The following BMERB1 variants were observed in gnomAD, a reference collection of about 807,000 sequenced individuals.
BMERB1 encodes the protein bMERB domain containing 1.
In BMERB1, 12 loss-of-function variants were observed where a neutral mutation model predicts 23.6. The ratio of observed to expected loss-of-function variants is 0.51; its 90% CI spans 0.33 to 0.82. The LOEUF is 0.82. BMERB1 is among the 40% of genes least tolerant of loss of function. BMERB1 has a pLI of 0.03. For missense variants in BMERB1, 247 were observed against 255.4 expected (o/e 0.97, Z 0.22); for synonymous variants, 122 against 96.6 (o/e 1.26, Z -1.54).
At chr16:15,556,351 CA>C (rs2030258456) in intron 2 of BMERB1, among the ~76,000 whole-genome samples, 1 of 152,052 alleles carries the variant, frequency 6.6e-6, no homozygotes, top group Middle Eastern at 3.2e-3. Flanking sequence ...GGGCTGCCTG[CA>C]CCACACACAC....
intron 2 of BMERB1, among the ~76,000 whole-genome samples, chr16:15,545,564 G>A (rs1345804107): frequency 1.3e-5 from 2 of 152,146 alleles, no homozygotes; most frequent in African/African-American, 4.8e-5. Context: ...GAGTGGGGAT[G>A]GGGGCTCAGG....
rs1332559697 is a variant in BMERB1, at chr16:15,459,649, C to T, written c.106+24890C>T. Reference sequence around the variant, plus strand: ...AACCTTTACAGTGTGAATATTGTAACTTACAGTGTGTAAATTACAGTGTGT... The same window carrying T: ...AACCTTTACAGTGTGAATATTGTAATTTACAGTGTGTAAATTACAGTGTGT... On this transcript the variant is annotated intron_variant, in intron 1 of 5. Coordinates refer to ENST00000300006, the MANE Select transcript of BMERB1 (RefSeq NM_033201.3). Among the ~76,000 whole-genome samples, 2 of 152,176 alleles carry T rather than the reference C, an allele frequency of 1.3e-5. 1 individual carries two copies. Among genetic ancestry groups the T allele is most frequent in the African/African-American group, 4.8e-5 (2 of 41,434 alleles).
chr16:15,489,489 A>C (rs2051398737), intron 1 of BMERB1, among the ~76,000 whole-genome samples: 2 of 152,070 alleles, frequency 1.3e-5, no homozygotes, highest in Admixed American at 6.6e-5. Context: ...TGGTTTGGCA[A>C]GCCCAGTCCC....
chr16:15,468,337 G>A (rs1043160134), intron 1 of BMERB1, among the ~76,000 whole-genome samples: 1 of 151,052 alleles, frequency 6.6e-6, no homozygotes, highest in African/African-American at 2.4e-5. Flanking sequence ...GTAGAGATGG[G>A]GTTTGGCTGT....
chr16:15,502,124 G>C (rs1363969258), intron 1 of BMERB1: 1 of 657,310 alleles, frequency 1.5e-6, no homozygotes. Flanking sequence ...ACTCATGTCT[G>C]CTTGACGCCA....
chr16:15,541,394 G>T (rs977233844), intron 2 of BMERB1, among the ~76,000 whole-genome samples: 1 of 150,388 alleles, frequency 6.6e-6, no homozygotes, highest in Non-Finnish European at 1.5e-5. Flanking sequence ...GCAGGTCAGC[G>T]AGTGGGACTG....
Position 15,515,382 on chromosome 16 carries a change from C to T in BMERB1, c.184C>T (p.Arg62Cys), listed in dbSNP as rs184756574. The part of the protein sequence containing the change: ...EIELEMAKIQ[R>C]LREVLVRRES... ...TGAGCTGGAGATGGCAAAAATTCAGCGTCTCCGGGAAGTCTTGGTCCGCCG... is the reference window on the plus strand; with the variant it reads ...TGAGCTGGAGATGGCAAAAATTCAGTGTCTCCGGGAAGTCTTGGTCCGCCG... The change falls in exon 2 of 6, where the codon CGT becomes TGT. Residue 62 changes from arginine (R) to cysteine (C), a missense_variant. Transcript: ENST00000300006. The T allele has an allele frequency of 2.3e-5, 37 of 1,613,952 alleles. No homozygotes were observed. Among genetic ancestry groups the T allele is most frequent in the East Asian group, 6.7e-5 (3 of 44,876 alleles).
At chr16:15,576,945 G>C (rs1308005926) in intron 3 of BMERB1, among the ~76,000 whole-genome samples, 1 of 152,196 alleles carries the variant, frequency 6.6e-6, no homozygotes, top group Non-Finnish European at 1.5e-5. Flanking sequence ...GCCTGTGGCA[G>C]ACTGCACCAA....
chr16:15,520,274 T>A (rs890675207), intron 2 of BMERB1, among the ~76,000 whole-genome samples: 2 of 152,086 alleles, frequency 1.3e-5, no homozygotes, highest in South Asian at 2.1e-4. Context: ...TTATTCTCAA[T>A]GCCAGGACCC....
intron 2 of BMERB1, among the ~76,000 whole-genome samples, chr16:15,552,466 G>A (rs575170812): frequency 6.6e-6 from 1 of 152,082 alleles, no homozygotes; most frequent in East Asian, 1.9e-4. Context: ...AGAAGAAGAA[G>A]AAATGAACTC....
intron 1 of BMERB1, among the ~76,000 whole-genome samples, chr16:15,512,862 G>C (rs917282352): frequency 6.6e-6 from 1 of 151,188 alleles, no homozygotes; most frequent in African/African-American, 2.4e-5. Context: ...CTGGGCAACA[G>C]AGGGATACTC....
Position 15,443,374 on chromosome 16 carries a change from C to T in BMERB1, c.106+8615C>T, listed in dbSNP as rs529616850. Among the ~76,000 whole-genome samples the T allele has an allele frequency of 2.6e-3, 285 of 110,518 alleles. 1 individual carries two copies. Among genetic ancestry groups the T allele is most frequent in the Admixed American group, 4.0e-3 (37 of 9,280 alleles). The allele number at this position is 110,518 out of a possible 152,430, so 72.5% of individuals were successfully genotyped here. ...TTTGAGACCAGCCTGGGCAATGTGG[C>T]GAAACCCTGTCTCTACCAAAAATAC... On this transcript the variant is annotated intron_variant, in intron 1 of 5. Coordinates refer to ENST00000300006, the MANE Select transcript of BMERB1 (RefSeq NM_033201.3).
intron 1 of BMERB1, among the ~76,000 whole-genome samples, chr16:15,512,249 A>C (rs1298273516): frequency 6.6e-6 from 1 of 152,180 alleles, no homozygotes; most frequent in African/African-American, 2.4e-5. Context: ...CGTCTGCTGA[A>C]CAACTCAGGG....
chr16:15,441,137 C>T (rs2050935840), intron 1 of BMERB1, among the ~76,000 whole-genome samples: 2 of 152,092 alleles, frequency 1.3e-5, no homozygotes, highest in African/African-American at 4.8e-5. Context: ...AACAAACAAA[C>T]AAAAAGTCTG....
intron 1 of BMERB1, among the ~76,000 whole-genome samples, chr16:15,503,544 C>T (rs1475635846): frequency 6.6e-6 from 1 of 151,442 alleles, no homozygotes; most frequent in Non-Finnish European, 1.5e-5. Flanking sequence ...GTGATCCATC[C>T]ACCTCGGCCT....
At chr16:15,467,391 G>T (rs2051189440) in intron 1 of BMERB1, among the ~76,000 whole-genome samples, 1 of 152,106 alleles carries the variant, frequency 6.6e-6, no homozygotes. Context: ...AGTCTGATAG[G>T]TGTGCAGTGA....
chr16:15,520,316 A>G (rs113062476), intron 2 of BMERB1, among the ~76,000 whole-genome samples: 2,669 of 151,978 alleles, frequency 0.018, 79 homozygotes, highest in African/African-American at 0.062. Flanking sequence ...TTTACAACGC[A>G]AGGACAAACC....
At chr16:15,584,254 T>G in intron 5 of BMERB1, 1 of 511,058 alleles carries the variant, frequency 2.0e-6, no homozygotes, top group Non-Finnish European at 3.5e-6. Flanking sequence ...TGAGGCCTCT[T>G]TCAGTTAGAA....
intron 1 of BMERB1, among the ~76,000 whole-genome samples, chr16:15,477,237 G>A (rs1448614782): frequency 3.3e-5 from 5 of 152,112 alleles, no homozygotes; most frequent in Admixed American, 3.3e-4. Flanking sequence ...GCAGGAGAGA[G>A]AATGAGTGCA....
Sources: gnomAD v4.1 joint callset for allele counts (sites outside exome capture counted in the v4.1 genomes callset) on GRCh38, gnomAD v4.1.1 for gene constraint, MANE v1.5 for transcripts, NCBI Gene and HGNC (gene_info 2026-07-23, HGNC 2026-07-21) for gene names.